Variants in MTPAP observed in about 807,000 individuals in gnomAD.
The protein encoded by MTPAP is mitochondrial poly(A) polymerase.
In MTPAP, 23 loss-of-function variants were observed where a neutral mutation model predicts 48.7. That is an observed-to-expected ratio of 0.47 (90% CI 0.34 to 0.67). MTPAP has a LOEUF of 0.67. Among genes scored for constraint, MTPAP ranks in the 30% least tolerant of loss-of-function variants. The pLI, the probability that MTPAP is intolerant of heterozygous loss-of-function variation, is 0.01. For synonymous variants in MTPAP, 257 were observed against 254.1 expected (o/e 1.01, Z -0.11); for missense variants, 614 against 694.3 (o/e 0.88, Z 1.30).
chr10:30,319,837 C>T (rs1309041096), intron 6 of MTPAP, among the ~76,000 whole-genome samples: 1 of 152,130 alleles, frequency 6.6e-6, no homozygotes, highest in African/African-American at 2.4e-5. Context: ...ATTCTCTTAC[C>T]GTATTTAAAA....
chr10:30,312,560 A>G lies in MTPAP; in HGVS notation c.*1049T>C, dbSNP rs1840606766. On this transcript the variant is annotated 3_prime_UTR_variant, in exon 9 of 9. Coordinates refer to ENST00000263063, the MANE Select transcript of MTPAP (RefSeq NM_018109.4). Reference sequence around the variant, plus strand: ...ACTCTAGCCTGGGCGACAGAGCGAGACTCTGTCTCAAAAAAAAAAAAAAAA... The same window carrying G: ...ACTCTAGCCTGGGCGACAGAGCGAGGCTCTGTCTCAAAAAAAAAAAAAAAA... 8.3e-6 allele frequency: 1 copy of G among 120,894 alleles called. No individual in the cohort carries two copies. Among genetic ancestry groups the G allele is most frequent in the Non-Finnish European group, 1.7e-5 (1 of 60,214 alleles). The allele number at this position is 120,894 out of a possible 1,614,324, so 7.5% of individuals were successfully genotyped here.
intron 8 of MTPAP, 115 bp downstream of exon 8, chr10:30,315,848 A>G: frequency 2.5e-6 from 3 of 1,190,838 alleles, no homozygotes. Flanking sequence ...GTTACTACAA[A>G]TTACTACACA....
intron 1 of MTPAP, 139 bp from the exon 2 acceptor site, chr10:30,341,779 T>A (rs1834810628): frequency 1.1e-6 from 1 of 883,656 alleles, no homozygotes; most frequent in Non-Finnish European, 1.8e-6. Context: ...TTATAAGGGT[T>A]AAACTATACT....
In MTPAP at chr10:30,310,354, G is replaced by A. The variant is rs1373553822; in HGVS notation, c.*3255C>T. 6.6e-6 allele frequency: 1 copy of A among 152,154 alleles called. No individual in the cohort carries two copies. Among genetic ancestry groups the A allele is most frequent in the African/African-American group, 2.4e-5 (1 of 41,380 alleles). The allele number at this position is 152,154 out of a possible 1,614,324, so 9.4% of individuals were successfully genotyped here. ...TAATCCCAGCATTTTGGGAGGGCGA[G>A]GTGGGCAGGTCACCTGAGGTCAGGA... On this transcript the variant is annotated 3_prime_UTR_variant, in exon 9 of 9. Transcript: ENST00000263063.
chr10:30,344,493 G>A (rs150593810), intron 1 of MTPAP, among the ~76,000 whole-genome samples: 1 of 152,114 alleles, frequency 6.6e-6, no homozygotes, highest in African/African-American at 2.4e-5. Context: ...CCATATTGAG[G>A]GCAGAGGCTA....
At chr10:30,320,346 G>A (rs561203004) in intron 6 of MTPAP, among the ~76,000 whole-genome samples, 43 of 152,176 alleles carry the variant, frequency 2.8e-4, no homozygotes, top group African/African-American at 5.8e-4. Flanking sequence ...GAAACATGGC[G>A]AGACCCCGTT....
In MTPAP at chr10:30,313,934, T is replaced by C; in HGVS notation, c.1424A>G (p.Tyr475Cys). The C allele has an allele frequency of 1.9e-6, 3 of 1,613,928 alleles. No individual in the cohort carries two copies. Among genetic ancestry groups the C allele is most frequent in the Non-Finnish European group, 2.5e-6 (3 of 1,179,818 alleles). ...AGAAGTTTCAAATGGATTCTGAATG[T>C]ACAGAGGAGAAGAATCAGGTTTGTT... ...EQNKPDSSPL[Y>C]IQNPFETSLN... The change falls in exon 9 of 9, where the codon TAC (tyrosine) becomes TGC (cysteine). Residue 475 changes from tyrosine (Y) to cysteine (C), a missense_variant. By Grantham distance (194) the Tyr-to-Cys change is radical. Coordinates refer to ENST00000263063, the MANE Select transcript of MTPAP (RefSeq NM_018109.4).
At chr10:30,337,151 G>A (rs1192413729) in intron 3 of MTPAP, 124 bp from the exon 4 acceptor site, 21 of 870,940 alleles carry the variant, frequency 2.4e-5, no homozygotes, top group South Asian at 1.7e-4. Flanking sequence ...AAAGCCTGGC[G>A]CAGTGGCTCA....
At chr10:30,337,080 A>G in intron 3 of MTPAP, 53 bp from the exon 4 acceptor site, 1 of 1,429,536 alleles carries the variant, frequency 7.0e-7, no homozygotes, top group Non-Finnish European at 9.8e-7. Flanking sequence ...AGGTCGCATA[A>G]AAAGTTACCA....
chr10:30,343,011 G>C (rs1374085176), intron 1 of MTPAP, among the ~76,000 whole-genome samples: 1 of 152,162 alleles, frequency 6.6e-6, no homozygotes. Flanking sequence ...AGTTCTAAGA[G>C]AGTATTAAAG....
chr10:30,320,356 T>C (rs1840707851), intron 6 of MTPAP, among the ~76,000 whole-genome samples: 1 of 151,960 alleles, frequency 6.6e-6, no homozygotes, highest in African/African-American at 2.4e-5. Flanking sequence ...GAGACCCCGT[T>C]TCAACAAAAA....
intron 1 of MTPAP, among the ~76,000 whole-genome samples, chr10:30,344,550 G>A (rs1414648826): frequency 6.6e-6 from 1 of 152,086 alleles, no homozygotes; most frequent in Non-Finnish European, 1.5e-5. Context: ...TCCTCCAAGT[G>A]GTCCTTATTT....
chr10:30,315,917 A>G (rs1840656075), intron 8 of MTPAP, 46 bp downstream of exon 8: 2 of 1,463,088 alleles, frequency 1.4e-6, no homozygotes, highest in Non-Finnish European at 1.9e-6. Flanking sequence ...ATATTAGTAC[A>G]GTGGAAGACC....
At position 30,320,015 on chromosome 10, in the gene MTPAP, C is replaced by T. The variant is rs567486940; in HGVS notation, c.1219+2376G>A. ...CAACAGGTCATTTAAAATCCCAGCA[C>T]TTGGGGAGGCTGAGAAGGATCGCTT... On this transcript the variant is annotated intron_variant, in intron 6 of 8. Coordinates refer to ENST00000263063, the MANE Select transcript of MTPAP (RefSeq NM_018109.4). 3.9e-4 allele frequency among the ~76,000 whole-genome samples: 60 copies of T among 152,282 alleles called. No homozygotes were observed. In the South Asian group the frequency reaches 0.012, roughly 31 times the overall value.
intron 4 of MTPAP, among the ~76,000 whole-genome samples, chr10:30,330,078 T>G (rs557494874): frequency 6.6e-6 from 1 of 152,292 alleles, no homozygotes; most frequent in African/African-American, 2.4e-5. Context: ...ACTTATGTAT[T>G]TCTATGTCTA....
At chr10:30,326,663 G>T in intron 4 of MTPAP, 28 bp from the exon 5 acceptor site, 1 of 1,572,976 alleles carries the variant, frequency 6.4e-7, no homozygotes, top group Non-Finnish European at 8.7e-7. Context: ...TTCTAAATAG[G>T]AGCTTTTGGT....
At chr10:30,321,986 T>C (rs16931390) in intron 6 of MTPAP, among the ~76,000 whole-genome samples, 7,425 of 152,268 alleles carry the variant, frequency 0.049, 594 homozygotes, top group African/African-American at 0.17. Context: ...TTAGAATCTT[T>C]GAAACATCAC....
At chr10:30,321,052 C>T (rs1038981172) in intron 6 of MTPAP, among the ~76,000 whole-genome samples, 8 of 152,108 alleles carry the variant, frequency 5.3e-5, no homozygotes, top group African/African-American at 1.7e-4. Flanking sequence ...ACTGTTCATA[C>T]CCCCACTACT....
intron 3 of MTPAP, 102 bp from the exon 4 acceptor site, chr10:30,337,129 T>C: frequency 3.9e-6 from 4 of 1,014,744 alleles, no homozygotes; most frequent in Non-Finnish European, 6.0e-6. Flanking sequence ...AAGACCTACC[T>C]TAGAAATATG....
Sources: gnomAD v4.1 joint callset for allele counts (sites outside exome capture counted in the v4.1 genomes callset) on GRCh38, gnomAD v4.1.1 for gene constraint, MANE v1.5 for transcripts, NCBI Gene and HGNC (gene_info 2026-07-23, HGNC 2026-07-21) for gene names.